Variants in RBMS1 observed in about 807,000 individuals in gnomAD.
RBMS1 encodes RNA binding motif single stranded interacting protein 1, also known as RNA-binding motif, single-stranded-interacting protein 1.
In RBMS1, 17 loss-of-function variants were observed where a neutral mutation model predicts 62.3. That is an observed-to-expected ratio of 0.27 (90% CI 0.19 to 0.41). The LOEUF (loss-of-function observed/expected upper bound fraction) is 0.41, where lower values mean the gene tolerates loss of function less well. Among genes scored for constraint, RBMS1 ranks in the 10% least tolerant of loss-of-function variants. The pLI is 1.00. For synonymous variants in RBMS1, 172 were observed against 170.0 expected, an observed-to-expected ratio of 1.01 and a Z score of -0.09; for missense variants, 334 against 504.5, an observed-to-expected ratio of 0.66 and a Z score of 3.24.
chr2:160,321,595 G>A (rs1041324717), intron 2 of RBMS1, among the ~76,000 whole-genome samples: 1 of 152,026 alleles, frequency 6.6e-6, no homozygotes, highest in African/African-American at 2.4e-5. Flanking sequence ...AAATATTTAA[G>A]TAGTGAAATA....
intron 1 of RBMS1, among the ~76,000 whole-genome samples, chr2:160,491,002 T>G (rs1375656181): frequency 6.6e-6 from 1 of 152,092 alleles, no homozygotes; most frequent in Non-Finnish European, 1.5e-5. Context: ...ATTAACTCTT[T>G]AGGTAGATTA....
At chr2:160,338,705 C>A (rs1691707100) in intron 2 of RBMS1, among the ~76,000 whole-genome samples, 1 of 152,120 alleles carries the variant, frequency 6.6e-6, no homozygotes, top group Non-Finnish European at 1.5e-5. Flanking sequence ...ATAATTGGTG[C>A]TAAATAAATG....
At chr2:160,399,024 T>C (rs1313722582) in intron 1 of RBMS1, among the ~76,000 whole-genome samples, 3 of 152,206 alleles carry the variant, frequency 2.0e-5, no homozygotes, top group South Asian at 2.1e-4. Flanking sequence ...ACCTCTGTTC[T>C]TCAAACTCTA....
intron 2 of RBMS1, among the ~76,000 whole-genome samples, chr2:160,336,147 G>C (rs1055623150): frequency 1.3e-5 from 2 of 152,096 alleles, no homozygotes; most frequent in Admixed American, 6.6e-5. Flanking sequence ...CAGGTCAGAG[G>C]GAAAATGACA....
At chr2:160,310,930 A>C (rs778238071) in intron 4 of RBMS1, among the ~76,000 whole-genome samples, 1 of 152,114 alleles carries the variant, frequency 6.6e-6, no homozygotes, top group Non-Finnish European at 1.5e-5. Flanking sequence ...GTGGTGGTTC[A>C]TGCCTGTAAT....
At chr2:160,446,329 G>A (rs912824502) in intron 1 of RBMS1, among the ~76,000 whole-genome samples, 4 of 152,236 alleles carry the variant, frequency 2.6e-5, no homozygotes, top group East Asian at 3.9e-4. Flanking sequence ...TCTTCTCCAG[G>A]ATTGGCCGAT....
At chr2:160,306,512 T>C (rs1689533903) in intron 4 of RBMS1, among the ~76,000 whole-genome samples, 2 of 152,178 alleles carry the variant, frequency 1.3e-5, no homozygotes. Context: ...CCCTGTCGGT[T>C]AAAAACCTAA....
rs1324039297 is a variant in RBMS1, at chr2:160,274,027, TTTTA to T, written c.*741_*744del. 1.3e-5 allele frequency: 2 copies of T among 152,636 alleles called. No homozygotes were observed. The highest frequency in any genetic ancestry group is 2.9e-5 in the Non-Finnish European group (2 of 68,034). 9.5% of individuals were successfully genotyped at this position (152,636 alleles called of 1,614,324 possible). On this transcript the variant is annotated 3_prime_UTR_variant, in exon 14 of 14. Coordinates refer to ENST00000348849, the MANE Select transcript of RBMS1 (RefSeq NM_016836.4). Reference sequence around the variant, plus strand: ...TTAAAAAAGCCAAAATTTCAGCAACTTTTATTGACTACCTTTTAAAAGCCCTATG... The same window carrying T: ...TTAAAAAAGCCAAAATTTCAGCAACTTTGACTACCTTTTAAAAGCCCTATG...
At chr2:160,485,821 T>A (rs1218537322) in intron 1 of RBMS1, among the ~76,000 whole-genome samples, 1 of 152,148 alleles carries the variant, frequency 6.6e-6, no homozygotes, top group African/African-American at 2.4e-5. Flanking sequence ...AATGTCATTT[T>A]AGAAACAATG....
intron 1 of RBMS1, among the ~76,000 whole-genome samples, chr2:160,377,011 T>A (rs1232817623): frequency 6.6e-6 from 1 of 151,962 alleles, no homozygotes; most frequent in Non-Finnish European, 1.5e-5. Flanking sequence ...TGAACAGTCA[T>A]GTTTGTGTGT....
At chr2:160,402,810 C>A (rs1429943436) in intron 1 of RBMS1, among the ~76,000 whole-genome samples, 1 of 152,140 alleles carries the variant, frequency 6.6e-6, no homozygotes, top group Non-Finnish European at 1.5e-5. Context: ...AAACTCCAGA[C>A]CTTCTCTATA....
intron 1 of RBMS1, among the ~76,000 whole-genome samples, chr2:160,376,175 A>G (rs761986568): frequency 3.3e-5 from 5 of 152,192 alleles, no homozygotes; most frequent in Non-Finnish European, 7.3e-5. Context: ...AAACAAACTT[A>G]CTGAAAGTAT....
intron 1 of RBMS1, among the ~76,000 whole-genome samples, chr2:160,373,250 T>C (rs1007756951): frequency 6.6e-6 from 1 of 152,218 alleles, no homozygotes; most frequent in Non-Finnish European, 1.5e-5. Context: ...AAGATATCCA[T>C]CAAAGTTGAT....
At chr2:160,311,881 G>T (rs549581034) in intron 4 of RBMS1, among the ~76,000 whole-genome samples, 2 of 152,292 alleles carry the variant, frequency 1.3e-5, no homozygotes, top group East Asian at 3.9e-4. Context: ...TAGGTATTAT[G>T]ATGTAATGCA....
chr2:160,288,679 G>A (rs1688529297), intron 6 of RBMS1, among the ~76,000 whole-genome samples: 1 of 152,132 alleles, frequency 6.6e-6, no homozygotes, highest in Non-Finnish European at 1.5e-5. Context: ...GACATTTGAG[G>A]TTGTAAGATG....
intron 2 of RBMS1, among the ~76,000 whole-genome samples, chr2:160,332,646 A>C (rs1691344337): frequency 6.6e-6 from 1 of 152,130 alleles, no homozygotes. Flanking sequence ...TTGTATGCTT[A>C]AATGGTCAGG....
intron 2 of RBMS1, among the ~76,000 whole-genome samples, chr2:160,363,456 T>C (rs1693235909): frequency 2.0e-5 from 3 of 151,900 alleles, no homozygotes; most frequent in Admixed American, 1.3e-4. Context: ...CCTTGCTGAA[T>C]AGAGATGGGG....
chr2:160,461,818 A>C (rs1377269361), intron 1 of RBMS1, among the ~76,000 whole-genome samples: 1 of 152,236 alleles, frequency 6.6e-6, no homozygotes, highest in African/African-American at 2.4e-5. Context: ...GATCATAGCA[A>C]GGAGAGAGAG....
chr2:160,358,209 G>A (rs992174974), intron 2 of RBMS1, among the ~76,000 whole-genome samples: 1 of 152,130 alleles, frequency 6.6e-6, no homozygotes, highest in African/African-American at 2.4e-5. Context: ...AAGGTTCTGT[G>A]TTTTGCTCAG....
Sources: allele counts gnomAD v4.1 joint callset (sites outside exome capture counted in the v4.1 genomes callset), GRCh38; gene constraint gnomAD v4.1.1; transcripts MANE v1.5; gene names NCBI Gene and HGNC (gene_info 2026-07-23, HGNC 2026-07-21).